SHISA6: variants seen among roughly 807,000 people sequenced by gnomAD.
SHISA6 encodes protein shisa-6.
SHISA6 carries 22 observed loss-of-function variants against 47.9 expected under a neutral mutation model. The observed-to-expected ratio is 0.46, with a 90% confidence interval of 0.33 to 0.66. The LOEUF is 0.66. Among genes scored for constraint, SHISA6 ranks in the 30% least tolerant of loss-of-function variants. The pLI, the probability that SHISA6 is intolerant of heterozygous loss-of-function variation, is 0.02. For synonymous variants in SHISA6, 388 were observed against 337.8 expected (o/e 1.15, Z -1.63); for missense variants, 680 against 764.6 (o/e 0.89, Z 1.30).
chr17:11,313,555 G>A (rs1910405450), intron 2 of SHISA6, among the ~76,000 whole-genome samples: 1 of 152,120 alleles, frequency 6.6e-6, no homozygotes, highest in African/African-American at 2.4e-5. Context: ...TATGAAGGTG[G>A]GAGCTATACA....
intron 3 of SHISA6, among the ~76,000 whole-genome samples, chr17:11,481,624 C>T (rs2908925): frequency 0.27 from 41,558 of 151,124 alleles, 5,792 homozygotes; most frequent in African/African-American, 0.32. Flanking sequence ...TCCAGAGTAG[C>T]TGGGACTACA....
At chr17:11,507,641 C>T (rs182009088) in intron 3 of SHISA6, among the ~76,000 whole-genome samples, 1 of 152,172 alleles carries the variant, frequency 6.6e-6, no homozygotes. Flanking sequence ...GTCTTCCCAC[C>T]TCTCCAACAT....
intron 2 of SHISA6, among the ~76,000 whole-genome samples, chr17:11,358,959 C>A (rs1033228893): frequency 2.6e-5 from 4 of 152,148 alleles, no homozygotes; most frequent in Admixed American, 6.5e-5. Context: ...CACACCCAGC[C>A]CAGAGTTTTC....
At chr17:11,529,461 TATCTC>T (rs2071714665) in intron 3 of SHISA6, among the ~76,000 whole-genome samples, 1 of 152,184 alleles carries the variant, frequency 6.6e-6, no homozygotes, top group Admixed American at 6.5e-5. Context: ...AATAAATTCT[TATCTC>T]ATGATGTAAA....
At chr17:11,284,041 T>C (rs545201038) in intron 2 of SHISA6, among the ~76,000 whole-genome samples, 1 of 152,150 alleles carries the variant, frequency 6.6e-6, no homozygotes, top group South Asian at 2.1e-4. Flanking sequence ...AAACTGACTC[T>C]AATACTACTA....
intron 2 of SHISA6, among the ~76,000 whole-genome samples, chr17:11,306,317 G>T (rs1040250238): frequency 2.6e-5 from 4 of 152,126 alleles, no homozygotes; most frequent in African/African-American, 9.7e-5. Context: ...TCCCCATACA[G>T]GATGCAATGG....
intron 3 of SHISA6, among the ~76,000 whole-genome samples, chr17:11,394,395 A>G (rs964870964): frequency 3.9e-5 from 6 of 152,316 alleles, no homozygotes; most frequent in Non-Finnish European, 5.9e-5. Context: ...CTGAGACACA[A>G]TGCATCTGTG....
At chr17:11,481,105 C>T (rs1916201258) in intron 3 of SHISA6, among the ~76,000 whole-genome samples, 1 of 151,668 alleles carries the variant, frequency 6.6e-6, no homozygotes, top group Non-Finnish European at 1.5e-5. Context: ...TCAGCAAAAC[C>T]CTATCTCTAC....
chr17:11,512,664 A>C (rs749557173), intron 3 of SHISA6, among the ~76,000 whole-genome samples: 10 of 152,194 alleles, frequency 6.6e-5, no homozygotes, highest in Non-Finnish European at 1.0e-4. Context: ...AAGCAAGTAA[A>C]AATGTCAATA....
intron 2 of SHISA6, among the ~76,000 whole-genome samples, chr17:11,330,489 G>GAGAGA (rs1911059658): frequency 1.4e-5 from 2 of 147,548 alleles, no homozygotes; most frequent in African/African-American, 2.5e-5. Context: ...GTAATGCTAG[G>GAGAGA]GAGAGAGAGA....
chr17:11,538,781 T>TGGTGGTA (rs1178090640), intron 3 of SHISA6, among the ~76,000 whole-genome samples: 1 of 152,154 alleles, frequency 6.6e-6, no homozygotes, highest in African/African-American at 2.4e-5. Flanking sequence ...AACTTTAACC[T>TGGTGGTA]GGTGGTAGTT....
At chr17:11,295,685 C>G (rs986659769) in intron 2 of SHISA6, among the ~76,000 whole-genome samples, 1 of 151,986 alleles carries the variant, frequency 6.6e-6, no homozygotes, top group Non-Finnish European at 1.5e-5. Context: ...GTCATGGGGC[C>G]GGGTGCGGTG....
intron 3 of SHISA6, among the ~76,000 whole-genome samples, chr17:11,418,929 C>T (rs1465520291): frequency 1.3e-5 from 2 of 152,108 alleles, no homozygotes; most frequent in Admixed American, 6.6e-5. Context: ...TTCCATTCCT[C>T]TGCTTACCTG....
intron 2 of SHISA6, among the ~76,000 whole-genome samples, chr17:11,348,030 G>T (rs370942191): frequency 1.6e-4 from 24 of 152,218 alleles, no homozygotes; most frequent in African/African-American, 5.5e-4. Context: ...ATAAGAAGAT[G>T]CAAAATTCTA....
chr17:11,296,917 G>A (rs1199518867), intron 2 of SHISA6, among the ~76,000 whole-genome samples: 1 of 152,132 alleles, frequency 6.6e-6, no homozygotes, highest in African/African-American at 2.4e-5. Flanking sequence ...AGCCATGGAG[G>A]GGCTAAATGA....
chr17:11,390,816 C>T (rs1475499396), intron 3 of SHISA6, among the ~76,000 whole-genome samples: 1 of 152,252 alleles, frequency 6.6e-6, no homozygotes, highest in Middle Eastern at 3.4e-3. Context: ...AAACCAGCAA[C>T]AGAGACATGT....
chr17:11,305,669 G>A, intron 2 of SHISA6, among the ~76,000 whole-genome samples: 1 of 152,216 alleles, frequency 6.6e-6, no homozygotes, highest in East Asian at 1.9e-4. Context: ...CCTAGGCCCA[G>A]AACCCGGAAC....
intron 2 of SHISA6, among the ~76,000 whole-genome samples, chr17:11,295,391 TC>T (rs1279448925): frequency 6.6e-6 from 1 of 152,146 alleles, no homozygotes; most frequent in African/African-American, 2.4e-5. Context: ...GACTCTGAAT[TC>T]CCTGCTCTTG....
intron 3 of SHISA6, among the ~76,000 whole-genome samples, chr17:11,386,933 G>A (rs756504129): frequency 2.6e-5 from 4 of 152,192 alleles, no homozygotes; most frequent in Non-Finnish European, 5.9e-5. Flanking sequence ...CTCAGTTTCT[G>A]GCAAATGAGG....
Sources: allele counts gnomAD v4.1 joint callset (sites outside exome capture counted in the v4.1 genomes callset), GRCh38; gene constraint gnomAD v4.1.1; transcripts MANE v1.5; gene names NCBI Gene and HGNC (gene_info 2026-07-23, HGNC 2026-07-21).